Variants in TNR observed in about 807,000 individuals in gnomAD.
TNR encodes the protein tenascin R.
Under a neutral mutation model 150.4 loss-of-function variants are expected in TNR, and 45 were observed. The observed-to-expected ratio is 0.30, with a 90% CI of 0.24 to 0.38. The LOEUF (loss-of-function observed/expected upper bound fraction) is 0.38. TNR is among the 10% of genes least tolerant of loss of function. The pLI is 1.00. For missense variants in TNR, 1,544 were observed against 1,759.1 expected (o/e 0.88, Z 2.19); for synonymous variants, 687 against 678.4 (o/e 1.01, Z -0.20).
intron 2 of TNR, among the ~76,000 whole-genome samples, chr1:175,443,105 AG>A (rs1462283603): frequency 6.6e-6 from 1 of 152,264 alleles, no homozygotes; most frequent in East Asian, 1.9e-4. Context: ...ACATTAATAA[AG>A]GTAATTTAGA....
At chr1:175,739,498 GCACACACACACACACGCACGCACA>G (rs1159039810) in intron 1 of TNR, among the ~76,000 whole-genome samples, 2 of 149,754 alleles carry the variant, frequency 1.3e-5, no homozygotes, top group African/African-American at 5.0e-5. Flanking sequence ...GCACACACAT[GCACACACACACACACGCACGCACA>G]CACACACACA....
chr1:175,320,319 GGCACAGTGTCTTTTAAACAT>G lies in TNR; in HGVS notation c.*3018_*3037del, dbSNP rs1676460507. The G allele has an allele frequency of 6.6e-6, 1 of 152,146 alleles. No individual in the cohort carries two copies. Among genetic ancestry groups the G allele is most frequent in the Non-Finnish European group, 1.5e-5 (1 of 68,018 alleles). 9.4% of individuals were successfully genotyped at this position (152,146 alleles called of 1,614,324 possible). ...ACCATAGACCTTGGGATGAGAGTGG[GGCACAGTGTCTTTTAAACAT>G]GGTGAAAACTCATGAGAAAATCACC... On this transcript the variant is annotated 3_prime_UTR_variant, in exon 23 of 23. Transcript: ENST00000367674.
intron 2 of TNR, among the ~76,000 whole-genome samples, chr1:175,438,400 C>A (rs374608649): frequency 6.6e-6 from 1 of 152,080 alleles, no homozygotes; most frequent in Non-Finnish European, 1.5e-5. Context: ...GAGCTATCTA[C>A]GACAAACCCA....
At chr1:175,433,376 G>A (rs1328381892) in intron 2 of TNR, among the ~76,000 whole-genome samples, 1 of 152,124 alleles carries the variant, frequency 6.6e-6, no homozygotes, top group Non-Finnish European at 1.5e-5. Context: ...TGCTTTGAGG[G>A]TGACCTGGGC....
intron 2 of TNR, among the ~76,000 whole-genome samples, chr1:175,425,786 AG>A (rs754943836): frequency 6.6e-6 from 1 of 152,122 alleles, no homozygotes; most frequent in Non-Finnish European, 1.5e-5. Context: ...CTGGGAACAT[AG>A]GGTCCATCAG....
intron 2 of TNR, among the ~76,000 whole-genome samples, chr1:175,448,150 C>A (rs1466947005): frequency 6.6e-6 from 1 of 152,166 alleles, no homozygotes; most frequent in African/African-American, 2.4e-5. Flanking sequence ...AGGTGAGCCC[C>A]CGAGCCCTGG....
rs944226859 is a variant in TNR at position 175,330,439 on chromosome 1, G to A, written c.3632-204C>T. ...CCTGCAAAGAGGACAGTCCAGGTCT[G>A]CTGATGGGTTTCCAACACAGGAAAC... On this transcript the variant is annotated intron_variant, in intron 20 of 22. Coordinates refer to ENST00000367674, the MANE Select transcript of TNR (RefSeq NM_003285.3). 20 of 455,844 alleles carry A rather than the reference G, an allele frequency of 4.4e-5. No individual in the cohort carries two copies. The East Asian group carries it at 6.5e-4, about 15-fold the overall frequency. 28.2% of individuals were successfully genotyped at this position (455,844 alleles called of 1,614,324 possible).
At chr1:175,491,704 C>A (rs973862432) in intron 2 of TNR, among the ~76,000 whole-genome samples, 1 of 124,632 alleles carries the variant, frequency 8.0e-6, no homozygotes, top group Non-Finnish European at 1.6e-5. Context: ...GGCTGGAGTG[C>A]AGTGGCGTGA....
intron 2 of TNR, among the ~76,000 whole-genome samples, chr1:175,522,330 A>C (rs1367494530): frequency 2.0e-5 from 3 of 152,192 alleles, no homozygotes; most frequent in Non-Finnish European, 4.4e-5. Flanking sequence ...GTATGTTCTC[A>C]CTCATAAGTG....
Position 175,712,031 on chromosome 1 carries a change from T to G in TNR, c.-165+31195A>C, listed in dbSNP as rs190878613. Among the ~76,000 whole-genome samples, 294 of 152,290 alleles carry G rather than the reference T, an allele frequency of 1.9e-3. 2 individuals carry two copies. The highest frequency in any genetic ancestry group is 3.1e-3 in the Non-Finnish European group (214 of 68,018). On this transcript the variant is annotated intron_variant, in intron 1 of 22. Transcript: ENST00000367674. ...TGGGTTCAGATGATAAAGACTTTCC[T>G]CTATAATAACAATAATAAAAACTAC... is the stretch of plus-strand genomic sequence containing the variant.
intron 15 of TNR, among the ~76,000 whole-genome samples, chr1:175,358,318 T>C (rs1002049714): frequency 8.5e-5 from 13 of 152,174 alleles, no homozygotes; most frequent in African/African-American, 2.9e-4. Flanking sequence ...AAGGACTAAG[T>C]GATAAGTGGG....
chr1:175,685,933 A>C (rs1182945665), intron 1 of TNR, among the ~76,000 whole-genome samples: 1 of 151,924 alleles, frequency 6.6e-6, no homozygotes, highest in Non-Finnish European at 1.5e-5. Context: ...GAAATGAGAG[A>C]AGTGGCCTTA....
intron 1 of TNR, among the ~76,000 whole-genome samples, chr1:175,559,808 A>C (rs1661348824): frequency 6.6e-6 from 1 of 152,200 alleles, no homozygotes; most frequent in Admixed American, 6.5e-5. Flanking sequence ...CTTCTTATAC[A>C]CAAGTGCAAG....
intron 1 of TNR, among the ~76,000 whole-genome samples, chr1:175,607,619 C>T (rs1663452594): frequency 6.6e-6 from 1 of 152,166 alleles, no homozygotes; most frequent in Non-Finnish European, 1.5e-5. Context: ...CCTTTCTGCA[C>T]CAAACACAAT....
At position 175,317,000 on chromosome 1, in the gene TNR, C is replaced by T. The variant is rs1055764881; in HGVS notation, c.*6357G>A. 1 of 152,124 alleles carries T rather than the reference C, an allele frequency of 6.6e-6. No individual in the cohort carries two copies. Among genetic ancestry groups the T allele is most frequent in the African/African-American group, 2.4e-5 (1 of 41,434 alleles). The allele number at this position is 152,124 out of a possible 1,614,324, so 9.4% of individuals were successfully genotyped here. On this transcript the variant is annotated 3_prime_UTR_variant, in exon 23 of 23. Coordinates refer to ENST00000367674, the MANE Select transcript of TNR (RefSeq NM_003285.3). ...CCTCATGAAGTGGAAAAATCAAGGG[C>T]TTCAAAATTAGACAAAGGTTCAGAT...
At chr1:175,645,320 T>C (rs1664778889) in intron 1 of TNR, among the ~76,000 whole-genome samples, 1 of 152,042 alleles carries the variant, frequency 6.6e-6, no homozygotes, top group South Asian at 2.1e-4. Context: ...TGCTCCAAAT[T>C]TAGGGATATA....
At chr1:175,554,991 C>T (rs1473776546) in intron 1 of TNR, among the ~76,000 whole-genome samples, 1 of 152,202 alleles carries the variant, frequency 6.6e-6, no homozygotes. Context: ...ACTCTCTGGC[C>T]AGTGCTCCTT....
chr1:175,477,727 A>G (rs78286301), intron 2 of TNR, among the ~76,000 whole-genome samples: 1 of 152,226 alleles, frequency 6.6e-6, no homozygotes, highest in African/African-American at 2.4e-5. Context: ...AGAAAATTAG[A>G]TGAAGGCTGT....
chr1:175,510,726 A>C (rs554132689), intron 2 of TNR, among the ~76,000 whole-genome samples: 2 of 152,368 alleles, frequency 1.3e-5, no homozygotes, highest in African/African-American at 4.8e-5. Context: ...TTTCAAAGCA[A>C]GTTTATTCTA....
Sources: gnomAD v4.1 joint callset for allele counts (sites outside exome capture counted in the v4.1 genomes callset) on GRCh38, gnomAD v4.1.1 for gene constraint, MANE v1.5 for transcripts, NCBI Gene and HGNC (gene_info 2026-07-23, HGNC 2026-07-21) for gene names.